The following DYNC1H1 variants were observed in gnomAD, a reference collection of about 807,000 sequenced individuals.
DYNC1H1 encodes the protein dynein cytoplasmic 1 heavy chain 1, also known as cytoplasmic dynein 1 heavy chain 1.
In DYNC1H1, 51 loss-of-function variants were observed where a neutral mutation model predicts 527.1. The ratio of observed to expected loss-of-function variants is 0.10; its 90% CI spans 0.08 to 0.12. The LOEUF (loss-of-function observed/expected upper bound fraction) is 0.12, where lower values mean the gene tolerates loss of function less well. Among genes scored for constraint, DYNC1H1 ranks in the 10% least tolerant of loss-of-function variants. The pLI, the probability that DYNC1H1 is intolerant of heterozygous loss-of-function variation, is 1.00. For missense variants in DYNC1H1, 2,771 were observed against 5,971.8 expected (o/e 0.46, Z 17.66); for synonymous variants, 2,189 against 2,278.8 (o/e 0.96, Z 1.12).
At chr14:102,040,037 C>T (rs2048627383) in intron 62 of DYNC1H1, among the ~76,000 whole-genome samples, 199 bp from the exon 63 acceptor site, 1 of 152,094 alleles carries the variant, frequency 6.6e-6, no homozygotes, top group Admixed American at 6.6e-5. Flanking sequence ...GACGGGTTTT[C>T]TTCATGTTGG....
In DYNC1H1 at chr14:101,986,423, T is replaced by C. The variant is rs1279969795; in HGVS notation, c.2198T>C (p.Leu733Pro). The C allele has an allele frequency of 6.2e-7, 1 of 1,614,034 alleles. No individual in the cohort carries two copies. The highest frequency in any genetic ancestry group is 8.5e-7 in the Non-Finnish European group (1 of 1,180,030). Residue 733 changes from leucine to proline, a missense_variant, in exon 8 of 78, where the codon CTT becomes CCT. By Grantham distance (98) the Leu-to-Pro change is moderately conservative. This residue lies in a region of DYNC1H1 where 264 missense variants were observed against 619.4 expected (regional missense o/e 0.43). Coordinates refer to ENST00000360184, the MANE Select transcript of DYNC1H1 (RefSeq NM_001376.5). This position sits in a 1 kb window ranked among gnomAD's most constrained non-coding sequence, Gnocchi z 8.7. ...TRVRGRTGNV[L>P]KLKVNFLPEI... ...GTTCGGGGCCGAACTGGAAATGTGC[T>C]TAAGCTGAAAGTTAACTTTCTTCCT...
rs2048373347 is a variant in DYNC1H1 at position 102,020,556 on chromosome 14, C to T, written c.8507+500C>T. Among the ~76,000 whole-genome samples the T allele has an allele frequency of 6.6e-6, 1 of 152,176 alleles. No homozygotes were observed. The highest frequency in any genetic ancestry group is 6.5e-5 in the Admixed American group (1 of 15,274). ...TCTCAGTCTGTGTTCTCATCAAAGG[C>T]TTTGCAGCTGCAGCTCTGGGGCACT... On this transcript the variant is annotated intron_variant, in intron 42 of 77. Coordinates refer to ENST00000360184, the MANE Select transcript of DYNC1H1 (RefSeq NM_001376.5). The surrounding 1 kb of genome is among the most constrained non-coding windows in gnomAD (Gnocchi z 4.3).
intron 2 of DYNC1H1, 130 bp downstream of exon 2, chr14:101,975,929 C>T (rs1436526843): frequency 8.4e-6 from 6 of 715,224 alleles, no homozygotes; most frequent in African/African-American, 3.8e-5. Context: ...TTTTTTGAGA[C>T]GGAGTTTCGC....
chr14:102,045,941 C>T (rs2048711566), intron 72 of DYNC1H1, among the ~76,000 whole-genome samples: 2 of 151,884 alleles, frequency 1.3e-5, no homozygotes, highest in Non-Finnish European at 1.5e-5. Flanking sequence ...CCGAGGTGGG[C>T]GGATCACAAG....
At chr14:101,996,517 A>G (rs947587335) in intron 15 of DYNC1H1, among the ~76,000 whole-genome samples, 1 of 152,222 alleles carries the variant, frequency 6.6e-6, no homozygotes, top group Non-Finnish European at 1.5e-5. Context: ...GATGCAGTGC[A>G]GTGCAACACC....
At position 102,005,231 on chromosome 14, in the gene DYNC1H1, C is replaced by T; in HGVS notation, c.5428C>T (p.His1810Tyr). 1 of 1,614,206 alleles carries T rather than the reference C, an allele frequency of 6.2e-7. No individual in the cohort carries two copies. Among genetic ancestry groups the T allele is most frequent in the Non-Finnish European group, 8.5e-7 (1 of 1,180,050 alleles). ...QPPLRRRKLE[H>Y]LITELVHQRD... Reference sequence around the variant, plus strand: ...CCCACTCCGAAGGCGGAAGCTAGAACACTTGGTTAGTCTCACACCTGACTC... The same window carrying T: ...CCCACTCCGAAGGCGGAAGCTAGAATACTTGGTTAGTCTCACACCTGACTC... Residue 1810 changes from histidine (H) to tyrosine (Y), a missense_variant, in exon 26 of 78, where the codon CAC becomes TAC. Physicochemically the swap from His to Tyr is moderately conservative, Grantham distance 83. Around this residue, in one of 32 missense-constraint regions of DYNC1H1, gnomAD observed 64 missense variants for 143.4 expected, o/e 0.45. Transcript: ENST00000360184. This position sits in a 1 kb window ranked among gnomAD's most constrained non-coding sequence, Gnocchi z 4.0.
intron 10 of DYNC1H1, among the ~76,000 whole-genome samples, chr14:101,990,219 C>T (rs563208849): frequency 6.6e-6 from 1 of 152,336 alleles, no homozygotes; most frequent in African/African-American, 2.4e-5. Context: ...GCAGGTGGCA[C>T]AGACTTACCT....
chr14:102,023,101 A>G (rs528581231), intron 43 of DYNC1H1: 1 of 646,336 alleles, frequency 1.5e-6, no homozygotes, highest in African/African-American at 1.8e-5. Flanking sequence ...CACCTCTACA[A>G]AAAAATTTGA....
rs778613995 is a variant in DYNC1H1 at position 102,017,528 on chromosome 14, C to G, written c.8177+24C>G. The stretch of plus-strand genomic sequence containing the variant: ...AGGTAAAACAGCTCGGTAGACTGCT[C>G]TGCTTCACACACGCACAGCTCCAGG... On this transcript the variant is annotated intron_variant, in intron 40 of 77. Coordinates refer to ENST00000360184, the MANE Select transcript of DYNC1H1 (RefSeq NM_001376.5). The surrounding 1 kb of genome is among the most constrained non-coding windows in gnomAD (Gnocchi z 4.6). 3 of 1,611,006 alleles carry G rather than the reference C, an allele frequency of 1.9e-6. No individual in the cohort carries two copies. Among genetic ancestry groups the G allele is most frequent in the South Asian group, 1.1e-5 (1 of 90,932 alleles).
At chr14:102,028,381 G>A in intron 48 of DYNC1H1, 3 of 441,582 alleles carry the variant, frequency 6.8e-6, no homozygotes, top group South Asian at 6.1e-5. Flanking sequence ...CGGGCATGGT[G>A]GTGGGCACCT....
chr14:102,013,576 G>A (rs2048285410), intron 34 of DYNC1H1, among the ~76,000 whole-genome samples: 1 of 152,144 alleles, frequency 6.6e-6, no homozygotes, highest in Non-Finnish European at 1.5e-5. Flanking sequence ...GAGGACTGGG[G>A]AGGACAAGTC....
chr14:102,004,029 C>G (rs904782924), intron 23 of DYNC1H1, among the ~76,000 whole-genome samples: 2 of 151,916 alleles, frequency 1.3e-5, no homozygotes, highest in Admixed American at 6.6e-5. Context: ...ATCACGAGGT[C>G]AGGAGATCGA....
In DYNC1H1 at chr14:102,044,125, ACT is replaced by A. The variant is rs2048685671; in HGVS notation, c.12684+83_12684+84del. 4 of 1,594,324 alleles carry A rather than the reference ACT, an allele frequency of 2.5e-6. No individual in the cohort carries two copies. Among genetic ancestry groups the A allele is most frequent in the Non-Finnish European group, 3.4e-6 (4 of 1,173,800 alleles). ...GCAGGGCGTGGTGCTGAGAGGCCAGACTCTGCGTGGAAGAGCGAGCTGACCCC... is the reference window on the plus strand; with the variant it reads ...GCAGGGCGTGGTGCTGAGAGGCCAGACTGCGTGGAAGAGCGAGCTGACCCC... On this transcript the variant is annotated intron_variant, in intron 70 of 77. Transcript: ENST00000360184. This position sits in a 1 kb window ranked among gnomAD's most constrained non-coding sequence, Gnocchi z 7.1.
In DYNC1H1 at chr14:101,986,155, G is replaced by C; in HGVS notation, c.1930G>C (p.Val644Leu). 1 of 1,614,208 alleles carries C rather than the reference G, an allele frequency of 6.2e-7. No homozygotes were observed. Among genetic ancestry groups the C allele is most frequent in the Non-Finnish European group, 8.5e-7 (1 of 1,180,046 alleles). ...KMSHVRDLPPVSGSIIWAKQI... is the reference protein window; with the variant it reads ...KMSHVRDLPPLSGSIIWAKQI... Reference sequence around the variant, plus strand: ...GAGTCACGTTCGTGACTTGCCCCCTGTGTCAGGGTCTATCATCTGGGCTAA... The same window carrying C: ...GAGTCACGTTCGTGACTTGCCCCCTCTGTCAGGGTCTATCATCTGGGCTAA... Residue 644 changes from valine to leucine, a missense_variant, in exon 8 of 78, where the codon GTG (valine) becomes CTG (leucine). Val to Leu is a conservative substitution (Grantham distance 32, BLOSUM62 1). Around this residue, in one of 32 missense-constraint regions of DYNC1H1, gnomAD observed 264 missense variants for 619.4 expected, o/e 0.43. Coordinates refer to ENST00000360184, the MANE Select transcript of DYNC1H1 (RefSeq NM_001376.5). The surrounding 1 kb of genome is among the most constrained non-coding windows in gnomAD (Gnocchi z 8.7).
In DYNC1H1 at chr14:102,019,753, C is replaced by T. The variant is rs1234006247; in HGVS notation, c.8344-140C>T. The T allele has an allele frequency of 4.5e-6, 5 of 1,104,636 alleles. No individual in the cohort carries two copies. The African/African-American group carries it at 4.7e-5, about 10-fold the overall frequency. The allele number at this position is 1,104,636 out of a possible 1,614,324, so 68.4% of individuals were successfully genotyped here. Reference sequence around the variant, plus strand: ...AGTAGCTGGGACTACAGGCACCCACCACCATGTCCAGCTATCTTCTTAAAT... The same window carrying T: ...AGTAGCTGGGACTACAGGCACCCACTACCATGTCCAGCTATCTTCTTAAAT... On this transcript the variant is annotated intron_variant, in intron 41 of 77. Transcript: ENST00000360184.
In DYNC1H1 at chr14:102,001,821, G is replaced by A; in HGVS notation, c.4542+140G>A. On this transcript the variant is annotated intron_variant, in intron 21 of 77. Transcript: ENST00000360184. This position sits in a 1 kb window ranked among gnomAD's most constrained non-coding sequence, Gnocchi z 5.0. ...GGGTCTCACTCTGTCTCCCACGCTG[G>A]AGTGCAGTGGCACCATCACAGCTCA... is the stretch of plus-strand genomic sequence containing the variant. 1 of 1,205,656 alleles carries A rather than the reference G, an allele frequency of 8.3e-7. No individual in the cohort carries two copies. The highest frequency in any genetic ancestry group is 1.2e-6 in the Non-Finnish European group (1 of 851,576). The allele number at this position is 1,205,656 out of a possible 1,614,324, so 74.7% of individuals were successfully genotyped here.
intron 16 of DYNC1H1, among the ~76,000 whole-genome samples, chr14:101,998,898 T>C (rs2048097912): frequency 6.7e-6 from 1 of 148,778 alleles, no homozygotes; most frequent in East Asian, 1.9e-4. Flanking sequence ...TTTTTTTTTT[T>C]TGAGACGGAG....
intron 72 of DYNC1H1, among the ~76,000 whole-genome samples, chr14:102,046,049 T>G (rs1234943997): frequency 2.0e-5 from 3 of 151,730 alleles, no homozygotes; most frequent in Non-Finnish European, 4.4e-5. Context: ...GCACCTGTAG[T>G]CCCAGCTACT....
chr14:102,040,304 C>T lies in DYNC1H1; in HGVS notation c.11759C>T (p.Ser3920Phe), dbSNP rs1382179095. ...AATGAGATTGTCCTGAGTGCTGGCT[C>T]CACCCCCAGGATCCAGGGCCTGACT... ...RGNEIVLSAG[S>F]TPRIQGLTVE... Residue 3920 changes from serine (S) to phenylalanine (F), a missense_variant, in exon 63 of 78, where the codon TCC becomes TTC. Ser to Phe is a radical substitution (Grantham distance 155, BLOSUM62 -2). Transcript: ENST00000360184. 3 of 1,614,166 alleles carry T rather than the reference C, an allele frequency of 1.9e-6. No individual in the cohort carries two copies. In the South Asian group the frequency reaches 3.3e-5, roughly 18 times the overall value.
Sources: allele counts gnomAD v4.1 joint callset (sites outside exome capture counted in the v4.1 genomes callset), GRCh38; gene constraint gnomAD v4.1.1; regional missense constraint gnomAD v4.1.1; non-coding constraint Gnocchi (gnomAD v3.1); transcripts MANE v1.5; gene names NCBI Gene and HGNC (gene_info 2026-07-23, HGNC 2026-07-21).